ATM: variants seen among roughly 807,000 people sequenced by gnomAD.
ATM encodes the protein ATM serine/threonine kinase, also known as serine-protein kinase ATM.
A neutral mutation model predicts 387.0 loss-of-function variants in ATM; 308 were observed. That is an observed-to-expected ratio of 0.80 (90% CI 0.73 to 0.87). The LOEUF (loss-of-function observed/expected upper bound fraction) is 0.87, where lower values mean the gene tolerates loss of function less well. Among genes scored for constraint, ATM ranks in the 40% least tolerant of loss-of-function variants. The pLI, the probability that ATM is intolerant of heterozygous loss-of-function variation, is 0.00. For synonymous variants in ATM, 1,156 were observed against 1,187.3 expected, an observed-to-expected ratio of 0.97 and a Z score of 0.54; for missense variants, 3,312 against 3,560.9, an observed-to-expected ratio of 0.93 and a Z score of 1.78.
chr11:108,270,938 C>A (rs564510816), intron 18 of ATM, 126 bp from the exon 19 acceptor site: 1 of 764,294 alleles, frequency 1.3e-6, no homozygotes, highest in South Asian at 1.5e-5. Context: ...TTGTGATCTG[C>A]CTGCTTCAGC....
chr11:108,249,446 ATAGAAT>A (rs1304156509), intron 9 of ATM, among the ~76,000 whole-genome samples: 14 of 152,374 alleles, frequency 9.2e-5, no homozygotes, highest in South Asian at 8.3e-4. Context: ...GCACCTTCTA[ATAGAAT>A]TAGGAAGAAG....
At chr11:108,325,586 T>G in intron 46 of ATM, 42 bp downstream of exon 46, 2 of 1,494,040 alleles carry the variant, frequency 1.3e-6, no homozygotes, top group Non-Finnish European at 1.8e-6. Context: ...CTCTTGACTT[T>G]CCTTTTATTA....
At chr11:108,265,332 A>G (rs1030589732) in intron 16 of ATM, among the ~76,000 whole-genome samples, 6 of 152,136 alleles carry the variant, frequency 3.9e-5, no homozygotes, top group East Asian at 1.9e-4. Flanking sequence ...AACGCTGCAT[A>G]TCTACAACTA....
chr11:108,326,895 G>A (rs879766173), intron 47 of ATM, among the ~76,000 whole-genome samples: 9 of 152,010 alleles, frequency 5.9e-5, no homozygotes, highest in Admixed American at 3.9e-4. Context: ...GTACGACATC[G>A]GCTCACCGCA....
rs546927781 is a variant in ATM at position 108,247,082 on chromosome 11, C to A, written c.1020C>A (p.Ala340=). The A allele has an allele frequency of 1.0e-4, 161 of 1,613,642 alleles. 4 individuals carry two copies. The South Asian group carries it at 1.7e-3, about 17-fold the overall frequency. ...ATTCTTCAGGATTTCGTAATATTGC[C>A]GTCAAAGAAAATTTGATTGAATTGA... ...GKYSSGFRNI[A]VKENLIELMA... is the part of the protein sequence containing the mutation. Residue 340 remains alanine, a synonymous_variant, in exon 8 of 63, where the codon GCC becomes GCA. Coordinates refer to ENST00000675843, the MANE Select transcript of ATM (RefSeq NM_000051.4).
intron 61 of ATM, among the ~76,000 whole-genome samples, chr11:108,364,664 A>C (rs952635618): frequency 1.3e-5 from 2 of 152,186 alleles, no homozygotes; most frequent in African/African-American, 4.8e-5. Context: ...AGTGAGGTCC[A>C]AATAGGCTTG....
chr11:108,356,531 T>TGTC lies in ATM; in HGVS notation c.8850+1658_8850+1660dup, dbSNP rs140830637. Among the ~76,000 whole-genome samples, 1,991 of 144,996 alleles carry TGTC rather than the reference T, an allele frequency of 0.014. 101 individuals are homozygous for TGTC. In the East Asian group the frequency reaches 0.18, roughly 13 times the overall value. ...AGCCTGGGCGACAAGAGCAAGACTC[T>TGTC]GTCTGTCTTAAAAAAAAAAAAAAAA... On this transcript the variant is annotated intron_variant, in intron 61 of 62. Coordinates refer to ENST00000675843, the MANE Select transcript of ATM (RefSeq NM_000051.4).
chr11:108,335,129 G>A lies in ATM; in HGVS notation c.8151+20G>A, dbSNP rs2136667224. The A allele has an allele frequency of 6.2e-7, 1 of 1,613,734 alleles. No individual in the cohort carries two copies. The highest frequency in any genetic ancestry group is 8.5e-7 in the Non-Finnish European group (1 of 1,179,876). On this transcript the variant is annotated intron_variant, in intron 55 of 62. Coordinates refer to ENST00000675843, the MANE Select transcript of ATM (RefSeq NM_000051.4). ...GTTAAGGTGAGCCTTCCCTTCTCTG[G>A]CTTAGCCCTTAGAGTTTTAGTGATG...
At position 108,259,669 on chromosome 11, in the gene ATM, G is replaced by A. The variant is rs77391193; in HGVS notation, c.2466+594G>A. 2.1e-3 allele frequency among the ~76,000 whole-genome samples: 319 copies of A among 152,122 alleles called. 1 individual carries two copies. Among genetic ancestry groups the A allele is most frequent in the African/African-American group, 7.1e-3 (295 of 41,500 alleles). On this transcript the variant is annotated intron_variant, in intron 16 of 62. Coordinates refer to ENST00000675843, the MANE Select transcript of ATM (RefSeq NM_000051.4). Reference sequence around the variant, plus strand: ...CATCCAGGCTCACAGCTATATCTGCGCAACATTGTACCAAAATTTAAAATA... The same window carrying A: ...CATCCAGGCTCACAGCTATATCTGCACAACATTGTACCAAAATTTAAAATA...
intron 5 of ATM, among the ~76,000 whole-genome samples, chr11:108,237,899 GTTTTTTT>G (rs369161623): frequency 1.4e-4 from 13 of 92,028 alleles, no homozygotes; most frequent in South Asian, 8.1e-4. Context: ...ATTTACTTAG[GTTTTTTT>G]TTTTTTTTTT....
intron 55 of ATM, chr11:108,335,429 T>C (rs1178151041): frequency 1.8e-6 from 1 of 570,532 alleles, no homozygotes; most frequent in Non-Finnish European, 2.8e-6. Context: ...ATAGTGCAAG[T>C]TGACGTCCTT....
At chr11:108,257,360 T>C (rs965106533) in intron 14 of ATM, 121 bp from the exon 15 acceptor site, 1 of 1,218,038 alleles carries the variant, frequency 8.2e-7, no homozygotes, top group Non-Finnish European at 1.1e-6. Context: ...ATTTCATTTT[T>C]TCTCTTAAGT....
intron 40 of ATM, among the ~76,000 whole-genome samples, chr11:108,313,301 A>T (rs1441229244): frequency 6.6e-6 from 1 of 152,150 alleles, no homozygotes; most frequent in African/African-American, 2.4e-5. Flanking sequence ...TTTCTCACAA[A>T]GACAAAATAA....
At chr11:108,231,118 A>G (rs2078992167) in intron 4 of ATM, among the ~76,000 whole-genome samples, 2 of 152,192 alleles carry the variant, frequency 1.3e-5, no homozygotes, top group African/African-American at 2.4e-5. Context: ...CTTGGCTGTC[A>G]GAACCAACAC....
At chr11:108,234,593 T>A (rs1851640704) in intron 4 of ATM, among the ~76,000 whole-genome samples, 1 of 152,140 alleles carries the variant, frequency 6.6e-6, no homozygotes, top group Non-Finnish European at 1.5e-5. Flanking sequence ...TCTCAGCACT[T>A]TGGGAGGCCA....
intron 51 of ATM, 68 bp downstream of exon 51, chr11:108,331,625 GTATA>G: frequency 7.0e-7 from 1 of 1,432,040 alleles, no homozygotes; most frequent in South Asian, 1.4e-5. Context: ...ATTATATAAA[GTATA>G]TATACCATTC....
chr11:108,317,057 C>A (rs2084726058), intron 42 of ATM, among the ~76,000 whole-genome samples: 1 of 151,484 alleles, frequency 6.6e-6, no homozygotes. Flanking sequence ...CTTCAGCCAC[C>A]CAAGTAGCTG....
intron 26 of ATM, among the ~76,000 whole-genome samples, chr11:108,284,873 C>G (rs1446472026): frequency 6.6e-6 from 1 of 152,184 alleles, no homozygotes; most frequent in Non-Finnish European, 1.5e-5. Flanking sequence ...AACCGTCCCT[C>G]ATTCCTATAG....
intron 39 of ATM, among the ~76,000 whole-genome samples, chr11:108,311,985 C>G (rs1220789418): frequency 6.6e-6 from 1 of 152,106 alleles, no homozygotes; most frequent in African/African-American, 2.4e-5. Context: ...ACTTCCTTTT[C>G]AATAGTTAAT....
Sources: allele counts gnomAD v4.1 joint callset (sites outside exome capture counted in the v4.1 genomes callset), GRCh38; gene constraint gnomAD v4.1.1; transcripts MANE v1.5; gene names NCBI Gene and HGNC (gene_info 2026-07-23, HGNC 2026-07-21).